Variants in SHC3 observed in about 807,000 individuals in gnomAD.
The protein encoded by SHC3 is SHC adaptor protein 3.
A neutral mutation model predicts 60.4 loss-of-function variants in SHC3; 15 were observed. The ratio of observed to expected loss-of-function variants is 0.25; its 90% CI spans 0.17 to 0.38. The LOEUF (loss-of-function observed/expected upper bound fraction) is 0.38, where lower values mean the gene tolerates loss of function less well. Ranked by LOEUF, SHC3 falls within the 10% of genes least tolerant of loss-of-function variation. The pLI is 1.00. For synonymous variants in SHC3, 294 were observed against 325.9 expected, an observed-to-expected ratio of 0.90 and a Z score of 1.05; for missense variants, 677 against 786.1, an observed-to-expected ratio of 0.86 and a Z score of 1.66.
chr9:89,109,781 T>C (rs781055360), intron 2 of SHC3: 5 of 985,388 alleles, frequency 5.1e-6, no homozygotes, highest in Non-Finnish European at 6.0e-6. Flanking sequence ...TGTTTGCTCT[T>C]TTGTTCAGAC....
At chr9:89,162,587 T>A (rs1826724941) in intron 1 of SHC3, among the ~76,000 whole-genome samples, 1 of 152,036 alleles carries the variant, frequency 6.6e-6, no homozygotes, top group African/African-American at 2.4e-5. Flanking sequence ...TATACAAAAA[T>A]CAATTCAAGA....
intron 11 of SHC3, among the ~76,000 whole-genome samples, chr9:89,022,378 TG>T (rs1379293876): frequency 6.6e-6 from 1 of 152,128 alleles, no homozygotes; most frequent in East Asian, 1.9e-4. Flanking sequence ...CACCGTCACC[TG>T]TGGCTTTGCG....
At chr9:89,176,783 TAAC>T (rs1826947564) in intron 1 of SHC3, among the ~76,000 whole-genome samples, 1 of 152,260 alleles carries the variant, frequency 6.6e-6, no homozygotes, top group African/African-American at 2.4e-5. Flanking sequence ...AGCCCTCTTT[TAAC>T]AACAATGGCC....
intron 7 of SHC3, among the ~76,000 whole-genome samples, 197 bp from the exon 8 acceptor site, chr9:89,047,191 T>C (rs538358712): frequency 1.1e-4 from 17 of 152,372 alleles, no homozygotes; most frequent in African/African-American, 3.4e-4. Flanking sequence ...GTTTCACTCA[T>C]TGGAACATTT....
At chr9:89,121,629 C>T (rs556630128) in intron 1 of SHC3, among the ~76,000 whole-genome samples, 56 of 152,260 alleles carry the variant, frequency 3.7e-4, no homozygotes, top group African/African-American at 1.3e-3. Context: ...AATGCTTACA[C>T]ACAGTCAATG....
intron 7 of SHC3, among the ~76,000 whole-genome samples, chr9:89,050,576 G>A (rs1587696076): frequency 6.6e-6 from 1 of 152,182 alleles, no homozygotes; most frequent in East Asian, 1.9e-4. Context: ...GTGAGCCACT[G>A]TGCCCGGCCT....
chr9:89,165,255 C>T (rs886701663), intron 1 of SHC3, among the ~76,000 whole-genome samples: 3 of 132,932 alleles, frequency 2.3e-5, no homozygotes, highest in Admixed American at 7.4e-5. Flanking sequence ...AAGAAAAAGA[C>T]GTGTTTGTGT....
intron 1 of SHC3, among the ~76,000 whole-genome samples, chr9:89,139,508 T>TAA (rs1826363027): frequency 6.6e-6 from 1 of 152,216 alleles, no homozygotes; most frequent in Non-Finnish European, 1.5e-5. Flanking sequence ...AAGACTTTTA[T>TAA]AAAGCTGAGC....
At chr9:89,120,466 A>G (rs1826077026) in intron 1 of SHC3, among the ~76,000 whole-genome samples, 1 of 152,220 alleles carries the variant, frequency 6.6e-6, no homozygotes, top group Non-Finnish European at 1.5e-5. Context: ...TGTAAAGACT[A>G]GTAATCTGAG....
intron 6 of SHC3, among the ~76,000 whole-genome samples, chr9:89,064,865 G>A (rs1485468923): frequency 6.6e-6 from 1 of 152,050 alleles, no homozygotes; most frequent in East Asian, 1.9e-4. Context: ...GGGGTAGGGG[G>A]GTAGTGAAAG....
chr9:89,085,890 T>C (rs1363762765), intron 2 of SHC3, among the ~76,000 whole-genome samples: 1 of 152,204 alleles, frequency 6.6e-6, no homozygotes, highest in African/African-American at 2.4e-5. Flanking sequence ...CCTTCCTCAA[T>C]AAAATCCTCA....
At chr9:89,172,839 T>C (rs1283518271) in intron 1 of SHC3, among the ~76,000 whole-genome samples, 2 of 152,216 alleles carry the variant, frequency 1.3e-5, no homozygotes, top group African/African-American at 2.4e-5. Flanking sequence ...GGTATTTTCA[T>C]TGAACATGCT....
chr9:89,159,370 C>A (rs762604637), intron 1 of SHC3, among the ~76,000 whole-genome samples: 1 of 152,108 alleles, frequency 6.6e-6, no homozygotes, highest in Non-Finnish European at 1.5e-5. Flanking sequence ...AATCTAGATA[C>A]AGTGGGATCA....
chr9:89,013,034 T>G lies in SHC3; in HGVS notation c.*413A>C, dbSNP rs1826033033. On this transcript the variant is annotated 3_prime_UTR_variant, in exon 12 of 12. Coordinates refer to ENST00000375835, the MANE Select transcript of SHC3 (RefSeq NM_016848.6). ...TCACAATTCTGTGTTTCTATTCCCC[T>G]CCAGTTGTGCTTATTAGGTAAAACT... The G allele has an allele frequency of 6.6e-6, 1 of 152,474 alleles. No individual in the cohort carries two copies. Among genetic ancestry groups the G allele is most frequent in the African/African-American group, 2.4e-5 (1 of 41,342 alleles). 9.4% of individuals were successfully genotyped at this position (152,474 alleles called of 1,614,324 possible).
rs144844637 is a variant in SHC3, at chr9:89,012,390, A to T, written c.*1057T>A. On this transcript the variant is annotated 3_prime_UTR_variant, in exon 12 of 12. Transcript: ENST00000375835. ...CCCTCATGCCAGAGGCAGTACCTCA[A>T]ATGGATTCCAGTGACTCCTGGGTTT... The T allele has an allele frequency of 2.0e-5, 3 of 152,260 alleles. No individual in the cohort carries two copies. Among genetic ancestry groups the T allele is most frequent in the Non-Finnish European group, 2.9e-5 (2 of 68,022 alleles). The allele number at this position is 152,260 out of a possible 1,614,324, so 9.4% of individuals were successfully genotyped here. A position where few individuals can be genotyped will look rare whatever the true frequency, so the allele number is the denominator to read the frequency against.
intron 1 of SHC3, among the ~76,000 whole-genome samples, chr9:89,125,347 T>C (rs1826149051): frequency 1.3e-5 from 2 of 152,108 alleles, no homozygotes; most frequent in Admixed American, 1.3e-4. Flanking sequence ...AATTGTTTAA[T>C]GTTAGTTTTT....
intron 1 of SHC3, among the ~76,000 whole-genome samples, chr9:89,120,020 C>T (rs17054743): frequency 0.013 from 2,034 of 152,228 alleles, 20 homozygotes; most frequent in South Asian, 0.034. Context: ...CCTAGCCCAG[C>T]GCCATTGTGC....
chr9:89,141,820 T>C (rs745917353), intron 1 of SHC3, among the ~76,000 whole-genome samples: 79 of 150,474 alleles, frequency 5.3e-4, no homozygotes, highest in Non-Finnish European at 8.9e-4. Context: ...CCCTGAATAA[T>C]AAAAAATATA....
chr9:89,128,504 G>A (rs936439992), intron 1 of SHC3, among the ~76,000 whole-genome samples: 1 of 152,138 alleles, frequency 6.6e-6, no homozygotes, highest in Non-Finnish European at 1.5e-5. Context: ...CTCCTAGTAG[G>A]GGCCGACTGA....
Sources: allele counts gnomAD v4.1 joint callset (sites outside exome capture counted in the v4.1 genomes callset), GRCh38; gene constraint gnomAD v4.1.1; transcripts MANE v1.5; gene names NCBI Gene and HGNC (gene_info 2026-07-23, HGNC 2026-07-21).